The following SCUBE2 variants were observed in gnomAD, a reference collection of about 807,000 sequenced individuals.
SCUBE2 encodes the protein signal peptide, CUB domain and EGF like domain containing 2, also known as signal peptide, CUB and EGF-like domain-containing protein 2.
In SCUBE2, 114 loss-of-function variants were observed where a neutral mutation model predicts 125.9. The ratio of observed to expected loss-of-function variants is 0.91; its 90% CI spans 0.78 to 1.06. SCUBE2 has a LOEUF of 1.06. Among genes scored for constraint, SCUBE2 ranks in the 50% least tolerant of loss-of-function variants. The probability of loss-of-function intolerance (pLI) is 0.00; values close to 1 mark genes in which losing one functional copy is unlikely to be tolerated. For missense variants in SCUBE2, 1,255 were observed against 1,301.8 expected (o/e 0.96, Z 0.55); for synonymous variants, 459 against 492.9 (o/e 0.93, Z 0.91).
chr11:9,080,269 C>T (rs1037932942), intron 2 of SCUBE2, among the ~76,000 whole-genome samples: 8 of 152,186 alleles, frequency 5.3e-5, no homozygotes, highest in Non-Finnish European at 8.8e-5. Context: ...AGATCCTTAT[C>T]TCATCCCATA....
chr11:9,084,291 G>T (rs1470881015), intron 2 of SCUBE2, among the ~76,000 whole-genome samples: 1 of 152,104 alleles, frequency 6.6e-6, no homozygotes, highest in Non-Finnish European at 1.5e-5. Context: ...AGTACATAGT[G>T]GTATAAATTA....
chr11:9,029,514 G>A (rs1046347696), intron 19 of SCUBE2, among the ~76,000 whole-genome samples: 1 of 152,224 alleles, frequency 6.6e-6, no homozygotes, highest in Admixed American at 6.5e-5. Context: ...CTCCTTGCAG[G>A]TTCAGCGATG....
intron 16 of SCUBE2, among the ~76,000 whole-genome samples, chr11:9,037,427 C>T (rs1381253444): frequency 3.9e-5 from 6 of 152,218 alleles, no homozygotes; most frequent in Non-Finnish European, 8.8e-5. Flanking sequence ...CTTGAAGCCT[C>T]CGCCTCTTTT....
intron 9 of SCUBE2, 115 bp downstream of exon 9, chr11:9,059,188 G>C (rs889641417): frequency 3.3e-6 from 4 of 1,225,280 alleles, no homozygotes; most frequent in Non-Finnish European, 4.6e-6. Flanking sequence ...AAGGAGATTG[G>C]ATTAGTGGCC....
rs112261553 is a variant in SCUBE2, at chr11:9,069,330, C to T, written c.643+40G>A. 69 of 1,611,086 alleles carry T rather than the reference C, an allele frequency of 4.3e-5. No homozygotes were observed. The African/African-American group carries it at 6.4e-4, about 15-fold the overall frequency. On this transcript the variant is annotated intron_variant, in intron 5 of 22. Coordinates refer to ENST00000649792, the MANE Select transcript of SCUBE2 (RefSeq NM_001367977.2). Reference sequence around the variant, plus strand: ...GCCACAGAAGGCAGCCTGTGGAATACGACGGTTCCCATGGCAGGTGTGCAC... The same window carrying T: ...GCCACAGAAGGCAGCCTGTGGAATATGACGGTTCCCATGGCAGGTGTGCAC...
chr11:9,038,843 T>C (rs1856962425), intron 16 of SCUBE2, among the ~76,000 whole-genome samples: 1 of 152,116 alleles, frequency 6.6e-6, no homozygotes, highest in East Asian at 1.9e-4. Context: ...AGGTTTGAAA[T>C]GGGGCAGTGA....
intron 21 of SCUBE2, 158 bp from the exon 22 acceptor site, chr11:9,022,113 G>T: frequency 1.7e-6 from 1 of 597,820 alleles, no homozygotes; most frequent in African/African-American, 1.8e-5. Context: ...AACTTCCACA[G>T]ACTCCCACCA....
At position 9,020,055 on chromosome 11, in the gene SCUBE2, G is replaced by A. The variant is rs530698996; in HGVS notation, c.*990C>T. On this transcript the variant is annotated 3_prime_UTR_variant, in exon 23 of 23. Coordinates refer to ENST00000649792, the MANE Select transcript of SCUBE2 (RefSeq NM_001367977.2). ...TGCTCATGTCCACGGAGCAGAGTCC[G>A]TCTCTCACATTTGAGACTGGGGAAG... is the stretch of plus-strand genomic sequence containing the variant. 1.1e-4 allele frequency among the ~76,000 whole-genome samples: 17 copies of A among 152,268 alleles called. No individual in the cohort carries two copies. In the South Asian group the frequency reaches 2.1e-3, roughly 19 times the overall value.
chr11:9,074,033 T>G (rs1030823005), intron 4 of SCUBE2, among the ~76,000 whole-genome samples: 2 of 152,098 alleles, frequency 1.3e-5, no homozygotes. Flanking sequence ...CGGATCTAGC[T>G]TGGGGCTGAA....
chr11:9,081,212 C>T (rs910280609), intron 2 of SCUBE2, among the ~76,000 whole-genome samples: 1 of 152,152 alleles, frequency 6.6e-6, no homozygotes. Context: ...TCTTTTCTTT[C>T]TGTAAATGTA....
intron 7 of SCUBE2, among the ~76,000 whole-genome samples, chr11:9,065,640 C>T (rs985770638): frequency 6.6e-6 from 1 of 152,180 alleles, no homozygotes; most frequent in African/African-American, 2.4e-5. Flanking sequence ...CCAAGTCTTA[C>T]AGCTAGGTGG....
In SCUBE2 at chr11:9,048,043, A is replaced by C. The variant is rs1237723073; in HGVS notation, c.1695T>G (p.Ser565=). 2 of 1,614,106 alleles carry C rather than the reference A, an allele frequency of 1.2e-6. No individual in the cohort carries two copies. Among genetic ancestry groups the C allele is most frequent in the African/African-American group, 1.3e-5 (1 of 74,950 alleles). Residue 565 remains serine (S), a synonymous_variant, in exon 15 of 23, where the codon TCT becomes TCG. Transcript: ENST00000649792. ...SFRYVNLTCS[S]GKQVPGAPGR... ...CAGGGGCTCCTGGGACTTGCTTGCC[A>C]GAGCTGCATGTAAGGTTTACGTAGC...
chr11:9,088,442 A>C (rs1462682444), intron 2 of SCUBE2, among the ~76,000 whole-genome samples: 1 of 152,266 alleles, frequency 6.6e-6, no homozygotes, highest in Non-Finnish European at 1.5e-5. Flanking sequence ...AGGAGGCTTC[A>C]GTGAGCTGAG....
At chr11:9,066,609 T>A in intron 6 of SCUBE2, 88 bp downstream of exon 6, 1 of 1,072,366 alleles carries the variant, frequency 9.3e-7, no homozygotes, top group Non-Finnish European at 1.4e-6. Context: ...GGAAACAGCC[T>A]GCATCTGTGC....
At chr11:9,063,812 T>C (rs1175012606) in intron 7 of SCUBE2, among the ~76,000 whole-genome samples, 3 of 152,292 alleles carry the variant, frequency 2.0e-5, no homozygotes, top group Admixed American at 2.0e-4. Flanking sequence ...CCGAGGAAAC[T>C]TTTTCACCAA....
At chr11:9,027,597 C>T in intron 19 of SCUBE2, 36 bp from the exon 20 acceptor site, 1 of 1,571,154 alleles carries the variant, frequency 6.4e-7, no homozygotes, top group African/African-American at 1.3e-5. Context: ...TGGCACGACA[C>T]TGTCATCTCT....
intron 10 of SCUBE2, among the ~76,000 whole-genome samples, chr11:9,054,726 T>TATA (rs1491239911): frequency 1.8e-4 from 5 of 28,414 alleles, no homozygotes; most frequent in African/African-American, 2.3e-4. Context: ...TATATATATA[T>TATA]TTTTTTTTTT....
chr11:9,049,226 A>T (rs1474544920), intron 14 of SCUBE2, among the ~76,000 whole-genome samples: 1 of 152,142 alleles, frequency 6.6e-6, no homozygotes, highest in East Asian at 1.9e-4. Context: ...CTATAGGCCA[A>T]GTCTATTTTT....
At chr11:9,070,271 G>A (rs1860658346) in intron 4 of SCUBE2, among the ~76,000 whole-genome samples, 1 of 152,152 alleles carries the variant, frequency 6.6e-6, no homozygotes, top group African/African-American at 2.4e-5. Flanking sequence ...GTATGATGGT[G>A]GGAAGGGGAA....
Sources: gnomAD v4.1 joint callset for allele counts (sites outside exome capture counted in the v4.1 genomes callset) on GRCh38, gnomAD v4.1.1 for gene constraint, MANE v1.5 for transcripts, NCBI Gene and HGNC (gene_info 2026-07-23, HGNC 2026-07-21) for gene names.